The following RAB11FIP4 variants were observed in gnomAD, a reference collection of about 807,000 sequenced individuals.
The protein encoded by RAB11FIP4 is rab11 family-interacting protein 4.
In RAB11FIP4, 23 loss-of-function variants were observed where a neutral mutation model predicts 74.3. The ratio of observed to expected loss-of-function variants is 0.31; its 90% confidence interval spans 0.22 to 0.44. RAB11FIP4 has a LOEUF of 0.44. Among genes scored for constraint, RAB11FIP4 ranks in the 20% least tolerant of loss-of-function variants. RAB11FIP4 has a pLI of 1.00. For missense variants in RAB11FIP4, 630 were observed against 863.9 expected (o/e 0.73, Z 3.39); for synonymous variants, 360 against 359.9 (o/e 1.00, Z 0.00).
intron 3 of RAB11FIP4, among the ~76,000 whole-genome samples, chr17:31,443,354 A>G (rs1193319555): frequency 1.3e-5 from 2 of 152,236 alleles, no homozygotes; most frequent in Non-Finnish European, 2.9e-5. Flanking sequence ...AAAAATTTTT[A>G]TAGCCAATTC....
intron 3 of RAB11FIP4, chr17:31,465,746 C>T (rs2071678791): frequency 6.6e-6 from 1 of 151,948 alleles, no homozygotes; most frequent in Admixed American, 6.6e-5. Flanking sequence ...CAGAGCAGGT[C>T]AAAACTCCCG....
chr17:31,458,678 G>GC (rs1363669104), intron 3 of RAB11FIP4, among the ~76,000 whole-genome samples: 1 of 152,194 alleles, frequency 6.6e-6, no homozygotes, highest in African/African-American at 2.4e-5. Context: ...GCACCTCTGG[G>GC]CCTCCCAGCA....
chr17:31,454,053 C>T (rs1421958703), intron 3 of RAB11FIP4, among the ~76,000 whole-genome samples: 1 of 152,070 alleles, frequency 6.6e-6, no homozygotes, highest in Non-Finnish European at 1.5e-5. Context: ...AAAAGTCAGC[C>T]CCTGGGCATT....
At chr17:31,434,440 A>T (rs2071339715) in intron 3 of RAB11FIP4, among the ~76,000 whole-genome samples, 1 of 152,154 alleles carries the variant, frequency 6.6e-6, no homozygotes, top group African/African-American at 2.4e-5. Context: ...TTTCTTCTGC[A>T]CCATCGCTCT....
intron 3 of RAB11FIP4, among the ~76,000 whole-genome samples, chr17:31,493,366 GCT>G (rs2072049191): frequency 6.6e-6 from 1 of 152,148 alleles, no homozygotes; most frequent in African/African-American, 2.4e-5. Flanking sequence ...GAGTGGGCGG[GCT>G]CTCTCTCTTT....
chr17:31,394,902 C>T (rs1011133414), intron 1 of RAB11FIP4, among the ~76,000 whole-genome samples: 5 of 102,878 alleles, frequency 4.9e-5, no homozygotes, highest in Admixed American at 4.7e-4. Context: ...ATTAAAAAAT[C>T]GGAGTGTTGT....
At chr17:31,464,473 C>T (rs897702967) in intron 3 of RAB11FIP4, among the ~76,000 whole-genome samples, 31 of 152,110 alleles carry the variant, frequency 2.0e-4, no homozygotes, top group Non-Finnish European at 3.7e-4. Flanking sequence ...TTCTTTGAGA[C>T]GGAATTTCGC....
At chr17:31,402,915 G>T (rs11652400) in intron 1 of RAB11FIP4, among the ~76,000 whole-genome samples, 1 of 151,750 alleles carries the variant, frequency 6.6e-6, no homozygotes, top group Non-Finnish European at 1.5e-5. Context: ...GTGAGCCACC[G>T]CGCCTGGCCA....
intron 3 of RAB11FIP4, among the ~76,000 whole-genome samples, chr17:31,514,865 TCATAATTAGTCA>T (rs2142800624): frequency 6.6e-6 from 1 of 152,260 alleles, no homozygotes; most frequent in African/African-American, 2.4e-5. Context: ...TGCTAAGGAG[TCATAATTAGTCA>T]CATGTCCCTA....
At chr17:31,446,643 A>G (rs960859907) in intron 3 of RAB11FIP4, among the ~76,000 whole-genome samples, 1 of 151,474 alleles carries the variant, frequency 6.6e-6, no homozygotes, top group South Asian at 2.1e-4. Flanking sequence ...GAAAACTAGA[A>G]AAGACCCCCC....
chr17:31,508,729 G>A (rs1375786615), intron 3 of RAB11FIP4, among the ~76,000 whole-genome samples: 1 of 152,048 alleles, frequency 6.6e-6, no homozygotes, highest in Non-Finnish European at 1.5e-5. Flanking sequence ...GTCAGCCTCA[G>A]GAAATGTGTG....
At chr17:31,502,844 A>C (rs1384189328) in intron 3 of RAB11FIP4, among the ~76,000 whole-genome samples, 2 of 152,194 alleles carry the variant, frequency 1.3e-5, no homozygotes, top group African/African-American at 4.8e-5. Flanking sequence ...TCAAGGTGTC[A>C]GCAGGCTTGG....
intron 1 of RAB11FIP4, among the ~76,000 whole-genome samples, chr17:31,408,463 T>A (rs1023973586): frequency 2.6e-5 from 4 of 152,226 alleles, no homozygotes; most frequent in Non-Finnish European, 5.9e-5. Context: ...TTAAGTACTT[T>A]TTTTCCATTG....
intron 1 of RAB11FIP4, among the ~76,000 whole-genome samples, chr17:31,427,993 A>T (rs1369845689): frequency 6.6e-6 from 1 of 152,232 alleles, no homozygotes; most frequent in South Asian, 2.1e-4. Flanking sequence ...GTCTTTCCTG[A>T]GAGCCCACTA....
chr17:31,497,091 C>T (rs1234512876), intron 3 of RAB11FIP4, among the ~76,000 whole-genome samples: 2 of 152,160 alleles, frequency 1.3e-5, no homozygotes, highest in African/African-American at 2.4e-5. Context: ...TGGACAGGCA[C>T]GATGGTTCAT....
intron 3 of RAB11FIP4, among the ~76,000 whole-genome samples, chr17:31,478,000 T>TC (rs1454112720): frequency 6.7e-6 from 1 of 150,144 alleles, no homozygotes; most frequent in Non-Finnish European, 1.5e-5. Context: ...TTAATACTTT[T>TC]TTTTTTTTTT....
At chr17:31,466,764 G>A (rs2071689789) in intron 3 of RAB11FIP4, among the ~76,000 whole-genome samples, 1 of 152,174 alleles carries the variant, frequency 6.6e-6, no homozygotes, top group Non-Finnish European at 1.5e-5. Flanking sequence ...CAGGAAGGCA[G>A]AGTCTATGGA....
At chr17:31,445,746 C>T (rs778859333) in intron 3 of RAB11FIP4, among the ~76,000 whole-genome samples, 4 of 150,588 alleles carry the variant, frequency 2.7e-5, no homozygotes, top group South Asian at 2.1e-4. Context: ...CCACCACTCC[C>T]GGCTAATTTT....
chr17:31,493,924 C>T (rs979886537), intron 3 of RAB11FIP4, among the ~76,000 whole-genome samples: 1 of 152,078 alleles, frequency 6.6e-6, no homozygotes, highest in Non-Finnish European at 1.5e-5. Context: ...TGTGCACACA[C>T]GTGTGTGTTT....
Sources: allele counts gnomAD v4.1 joint callset (sites outside exome capture counted in the v4.1 genomes callset), GRCh38; gene constraint gnomAD v4.1.1; transcripts MANE v1.5; gene names NCBI Gene and HGNC (gene_info 2026-07-23, HGNC 2026-07-21).